Variants in ARHGAP18 observed in about 807,000 individuals in gnomAD.
ARHGAP18 encodes rho GTPase-activating protein 18.
Under a neutral mutation model 86.2 loss-of-function variants are expected in ARHGAP18, and 67 were observed. That is an observed-to-expected ratio of 0.78 (90% CI 0.64 to 0.95). ARHGAP18 has a LOEUF of 0.95. Among genes scored for constraint, ARHGAP18 ranks in the 40% least tolerant of loss-of-function variants. The pLI is 0.00. For missense variants in ARHGAP18, 691 were observed against 780.4 expected, an observed-to-expected ratio of 0.89 and a Z score of 1.37; for synonymous variants, 283 against 280.4, an observed-to-expected ratio of 1.01 and a Z score of -0.09.
At chr6:129,649,948 T>C (rs1773672960) in intron 1 of ARHGAP18, among the ~76,000 whole-genome samples, 1 of 149,510 alleles carries the variant, frequency 6.7e-6, no homozygotes, top group Non-Finnish European at 1.5e-5. Flanking sequence ...GTTCCACTCT[T>C]GTTGTCCAGG....
chr6:129,607,885 G>C lies in ARHGAP18; in HGVS notation c.1282+8C>G. On this transcript the variant is annotated splice_region_variant and intron_variant, in intron 9 of 14. Transcript: ENST00000368149. The stretch of plus-strand genomic sequence containing the variant: ...AGAAGGACTGCTTCAAAGAGGGATA[G>C]CACTTACTCTGGACAGCCTGAAAGG... 6.3e-7 allele frequency: 1 copy of C among 1,587,962 alleles called. No individual in the cohort carries two copies. The highest frequency in any genetic ancestry group is 8.5e-7 in the Non-Finnish European group (1 of 1,171,618).
rs1352133872 is a variant in ARHGAP18, at chr6:129,710,088, G to C, written c.49C>G (p.Pro17Ala). ...SQGVVLTAYHPSGKDQTVGNS... is the reference protein window; with the variant it reads ...SQGVVLTAYHASGKDQTVGNS... ...CCGACGGTCTGGTCCTTGCCGCTGGGGTGGTAGGCTGTTAGTACCACTCCC... is the reference window on the plus strand; with the variant it reads ...CCGACGGTCTGGTCCTTGCCGCTGGCGTGGTAGGCTGTTAGTACCACTCCC... Residue 17 changes from proline (P) to alanine (A), a missense_variant, in exon 1 of 15, where the codon CCC becomes GCC. Pro to Ala is a conservative substitution (Grantham distance 27). Coordinates refer to ENST00000368149, the MANE Select transcript of ARHGAP18 (RefSeq NM_033515.3). 3.7e-6 allele frequency: 6 copies of C among 1,613,996 alleles called. No individual in the cohort carries two copies. In the Admixed American group the frequency reaches 1.0e-4, roughly 27 times the overall value.
intron 12 of ARHGAP18, among the ~76,000 whole-genome samples, chr6:129,598,010 C>T (rs368077352): frequency 7.2e-5 from 11 of 152,036 alleles, no homozygotes; most frequent in East Asian, 3.9e-4. Context: ...TAAGTAGATC[C>T]TGAGCTTCAG....
At chr6:129,707,008 C>T (rs548954338) in intron 1 of ARHGAP18, among the ~76,000 whole-genome samples, 3 of 150,500 alleles carry the variant, frequency 2.0e-5, no homozygotes, top group Non-Finnish European at 4.4e-5. Flanking sequence ...GGGCAGATCA[C>T]CTGAAGTCGG....
rs1788210886 is a variant in ARHGAP18 at position 129,577,861 on chromosome 6, T to C, written c.*652A>G. The C allele has an allele frequency of 6.6e-6, 1 of 152,180 alleles. No individual in the cohort carries two copies. Among genetic ancestry groups the C allele is most frequent in the Non-Finnish European group, 1.5e-5 (1 of 68,040 alleles). 9.4% of individuals were successfully genotyped at this position (152,180 alleles called of 1,614,324 possible). A position where few individuals can be genotyped will look rare whatever the true frequency, so the allele number is the denominator to read the frequency against. On this transcript the variant is annotated 3_prime_UTR_variant, in exon 15 of 15. Coordinates refer to ENST00000368149, the MANE Select transcript of ARHGAP18 (RefSeq NM_033515.3). ...TAACTGGCAGCTTCTGACAGTCCTA[T>C]TTTCTTGGTCGCTGATACGGTTCTG...
intron 1 of ARHGAP18, among the ~76,000 whole-genome samples, chr6:129,668,436 G>A (rs1227268474): frequency 1.3e-5 from 2 of 149,716 alleles, no homozygotes; most frequent in African/African-American, 2.5e-5. Flanking sequence ...TATGGACTCA[G>A]TACATTTCAA....
At chr6:129,702,130 C>T (rs1346238029) in intron 1 of ARHGAP18, among the ~76,000 whole-genome samples, 1 of 152,238 alleles carries the variant, frequency 6.6e-6, no homozygotes, top group Admixed American at 6.5e-5. Flanking sequence ...AGGTTTCATA[C>T]TCTCTTTCAA....
intron 8 of ARHGAP18, among the ~76,000 whole-genome samples, chr6:129,608,997 A>C (rs764509482): frequency 7.4e-5 from 11 of 148,256 alleles, no homozygotes; most frequent in Non-Finnish European, 1.0e-4. Context: ...TGAGAAAAGG[A>C]GGAAGAGGAA....
intron 8 of ARHGAP18, 64 bp downstream of exon 8, chr6:129,611,469 C>T (rs1281832549): frequency 7.0e-7 from 1 of 1,434,954 alleles, no homozygotes; most frequent in East Asian, 2.3e-5. Flanking sequence ...GACAAGTTAG[C>T]TTTTAAAATG....
chr6:129,708,184 C>G (rs1774833048), intron 1 of ARHGAP18, among the ~76,000 whole-genome samples: 1 of 152,184 alleles, frequency 6.6e-6, no homozygotes, highest in South Asian at 2.1e-4. Context: ...TTCCTCCCTG[C>G]CCTCAAACCA....
At chr6:129,689,421 T>G (rs2114545324) in intron 1 of ARHGAP18, among the ~76,000 whole-genome samples, 1 of 152,210 alleles carries the variant, frequency 6.6e-6, no homozygotes, top group South Asian at 2.1e-4. Context: ...ACCTCCAGAG[T>G]AGCTTGGATT....
chr6:129,605,455 T>C (rs1315515419), intron 10 of ARHGAP18, among the ~76,000 whole-genome samples: 1 of 152,170 alleles, frequency 6.6e-6, no homozygotes, highest in Non-Finnish European at 1.5e-5. Context: ...AACTGTCATA[T>C]CTTTAGGTAG....
intron 8 of ARHGAP18, among the ~76,000 whole-genome samples, chr6:129,609,356 T>C (rs1425073085): frequency 6.6e-6 from 1 of 152,212 alleles, no homozygotes; most frequent in African/African-American, 2.4e-5. Flanking sequence ...ATCCACTTAA[T>C]TGGCCTTCTT....
At chr6:129,692,755 C>G (rs906148949) in intron 1 of ARHGAP18, among the ~76,000 whole-genome samples, 4 of 152,186 alleles carry the variant, frequency 2.6e-5, no homozygotes, top group Non-Finnish European at 4.4e-5. Flanking sequence ...ATAAGGCAAT[C>G]CCCGTACCTT....
chr6:129,619,212 G>A (rs1387388410), intron 5 of ARHGAP18, among the ~76,000 whole-genome samples: 4 of 79,228 alleles, frequency 5.0e-5, no homozygotes, highest in Non-Finnish European at 1.0e-4. Flanking sequence ...TGAGGGGGAA[G>A]GGGAAGAAGA....
chr6:129,615,839 C>T (rs940840656), intron 7 of ARHGAP18, among the ~76,000 whole-genome samples: 8 of 152,134 alleles, frequency 5.3e-5, no homozygotes, highest in African/African-American at 1.9e-4. Context: ...AATTGGACAT[C>T]CTCACTGTAA....
intron 1 of ARHGAP18, among the ~76,000 whole-genome samples, chr6:129,653,272 A>T (rs979131601): frequency 2.0e-5 from 3 of 152,218 alleles, no homozygotes; most frequent in Admixed American, 2.0e-4. Flanking sequence ...AATGGAGAAG[A>T]TATTTATAAA....
intron 1 of ARHGAP18, among the ~76,000 whole-genome samples, chr6:129,664,999 T>G (rs1343140921): frequency 2.0e-5 from 3 of 152,186 alleles, no homozygotes; most frequent in Admixed American, 6.5e-5. Flanking sequence ...TCTAGGTGAA[T>G]AGTTATTATT....
In ARHGAP18 at chr6:129,625,507, A is replaced by C. The variant is rs1274986119; in HGVS notation, c.786+3846T>G. Among the ~76,000 whole-genome samples the C allele has an allele frequency of 2.1e-4, 13 of 63,112 alleles. 1 individual carries two copies. Among genetic ancestry groups the C allele is most frequent in the African/African-American group, 7.9e-4 (13 of 16,526 alleles). 41.4% of individuals were successfully genotyped at this position (63,112 alleles called of 152,430 possible). A position where few individuals can be genotyped will look rare whatever the true frequency, so the allele number is the denominator to read the frequency against. On this transcript the variant is annotated intron_variant, in intron 5 of 14. Transcript: ENST00000368149. The stretch of plus-strand genomic sequence containing the variant: ...ATATATTATATATAATATATATTTT[A>C]TATATCATATATATTATAACTATAC...
Sources: gnomAD v4.1 joint callset for allele counts (sites outside exome capture counted in the v4.1 genomes callset) on GRCh38, gnomAD v4.1.1 for gene constraint, MANE v1.5 for transcripts, NCBI Gene and HGNC (gene_info 2026-07-23, HGNC 2026-07-21) for gene names.